Variants in TMEM40 observed in about 807,000 individuals in gnomAD.
TMEM40 encodes transmembrane protein 40.
Under a neutral mutation model 40.8 loss-of-function variants are expected in TMEM40, and 34 were observed. That is an observed-to-expected ratio of 0.83 (90% CI 0.63 to 1.11). The LOEUF is 1.11. TMEM40 is among the 50% of genes least tolerant of loss of function. The probability of loss-of-function intolerance (pLI) is 0.00; values close to 1 mark genes in which losing one functional copy is unlikely to be tolerated. For synonymous variants in TMEM40, 106 were observed against 107.0 expected (o/e 0.99, Z 0.06); for missense variants, 296 against 280.2 (o/e 1.06, Z -0.40).
upstream of TMEM40, among the ~76,000 whole-genome samples, chr3:12,762,956 G>T (rs1188730146): frequency 6.6e-6 from 1 of 152,020 alleles, no homozygotes; most frequent in Non-Finnish European, 1.5e-5. Context: ...TCAGGAGATG[G>T]AGACCATCCT....
intron 1 of TMEM40, among the ~76,000 whole-genome samples, chr3:12,753,336 C>G (rs1162049346): frequency 6.6e-6 from 1 of 151,140 alleles, no homozygotes; most frequent in Non-Finnish European, 1.5e-5. Flanking sequence ...CCCACCTCAA[C>G]CTCCCGAGTA....
chr3:12,755,406 G>GT (rs1199221361), intron 1 of TMEM40, among the ~76,000 whole-genome samples: 2 of 151,814 alleles, frequency 1.3e-5, no homozygotes, highest in African/African-American at 4.8e-5. Flanking sequence ...CTCCCAAAGT[G>GT]TTGGGACTGG....
At chr3:12,744,712 G>C (rs1156322251) in intron 3 of TMEM40, among the ~76,000 whole-genome samples, 3 of 152,186 alleles carry the variant, frequency 2.0e-5, no homozygotes, top group Non-Finnish European at 1.5e-5. Flanking sequence ...AAGAATTCAG[G>C]TCTAGGAGTT....
At chr3:12,735,931 G>A (rs890260653) in intron 10 of TMEM40, among the ~76,000 whole-genome samples, 1 of 152,138 alleles carries the variant, frequency 6.6e-6, no homozygotes, top group Non-Finnish European at 1.5e-5. Context: ...GTCTTGCTAT[G>A]TTGCCCAGGC....
chr3:12,763,020 C>T (rs1042347404), upstream of TMEM40, among the ~76,000 whole-genome samples: 12 of 151,700 alleles, frequency 7.9e-5, no homozygotes, highest in Non-Finnish European at 1.5e-4. Flanking sequence ...ATTAGCCGGG[C>T]GTGGTGGCGG....
chr3:12,760,307 C>A (rs542236524), upstream of TMEM40, among the ~76,000 whole-genome samples: 2 of 152,164 alleles, frequency 1.3e-5, no homozygotes, highest in African/African-American at 2.4e-5. Context: ...TGCCACACTC[C>A]CACTGCACTC....
chr3:12,737,843 C>A, intron 7 of TMEM40, 89 bp from the exon 8 acceptor site: 1 of 1,328,798 alleles, frequency 7.5e-7, no homozygotes, highest in Non-Finnish European at 1.1e-6. Flanking sequence ...GAATTAATAT[C>A]CTGGGTATAT....
chr3:12,743,777 C>T (rs1489370505), intron 4 of TMEM40, 123 bp downstream of exon 4: 17 of 883,788 alleles, frequency 1.9e-5, no homozygotes. Context: ...CTGCTGCTGT[C>T]AGGCTATTTC....
chr3:12,768,566 C>G (rs2061605012), intron 1 of TMEM40, among the ~76,000 whole-genome samples: 1 of 152,100 alleles, frequency 6.6e-6, no homozygotes. Flanking sequence ...ATACAGAGTG[C>G]CGACTGGTGC....
chr3:12,754,000 G>A (rs907539850), intron 1 of TMEM40, among the ~76,000 whole-genome samples: 5 of 152,126 alleles, frequency 3.3e-5, no homozygotes, highest in African/African-American at 9.7e-5. Flanking sequence ...GATTACTGTC[G>A]TATTTTACAG....
At chr3:12,751,520 C>T (rs1182549034) in intron 1 of TMEM40, among the ~76,000 whole-genome samples, 5 of 152,058 alleles carry the variant, frequency 3.3e-5, no homozygotes, top group East Asian at 1.9e-4. Flanking sequence ...CCTTGTGATC[C>T]GCCCGCCTTG....
At chr3:12,745,704 C>T (rs937511315) in intron 3 of TMEM40, among the ~76,000 whole-genome samples, 1 of 152,210 alleles carries the variant, frequency 6.6e-6, no homozygotes, top group African/African-American at 2.4e-5. Context: ...TCACCTTGGC[C>T]TCCCAAAGTG....
In TMEM40 at chr3:12,751,903, A is replaced by G. The variant is rs994447475; in HGVS notation, c.-8-2063T>C. 8.7e-4 allele frequency among the ~76,000 whole-genome samples: 133 copies of G among 152,306 alleles called. 1 individual carries two copies. Among genetic ancestry groups the G allele is most frequent in the Non-Finnish European group, 1.5e-4 (10 of 68,024 alleles). On this transcript the variant is annotated intron_variant, in intron 1 of 11. Transcript: ENST00000314124. The stretch of plus-strand genomic sequence containing the variant: ...GAGCTCTTTTTCCAGTCTCATCTCC[A>G]TCCTGCTCTGTGTCCTGGTCACACA...
At chr3:12,767,027 G>C (rs1482528199) in intron 1 of TMEM40, among the ~76,000 whole-genome samples, 1 of 152,054 alleles carries the variant, frequency 6.6e-6, no homozygotes, top group Non-Finnish European at 1.5e-5. Flanking sequence ...CTGGGGAAGG[G>C]CCAGTCTCCA....
intron 6 of TMEM40, 101 bp downstream of exon 6, chr3:12,738,452 C>T (rs1408710205): frequency 3.7e-6 from 5 of 1,360,310 alleles, no homozygotes; most frequent in Admixed American, 1.7e-5. Flanking sequence ...TTCTCAGAGC[C>T]AGGTATCCCA....
At chr3:12,744,571 C>T (rs2061412345) in intron 3 of TMEM40, among the ~76,000 whole-genome samples, 1 of 152,226 alleles carries the variant, frequency 6.6e-6, no homozygotes, top group African/African-American at 2.4e-5. Context: ...ATGTGCCTCT[C>T]TCCAACCATT....
intron 4 of TMEM40, 30 bp from the exon 5 acceptor site, chr3:12,742,537 C>A: frequency 6.2e-7 from 1 of 1,612,598 alleles, no homozygotes; most frequent in East Asian, 2.2e-5. Context: ...TTAGTCAGCA[C>A]TCCCCAAACA....
chr3:12,743,570 C>T (rs981532890), intron 4 of TMEM40, among the ~76,000 whole-genome samples: 1 of 152,074 alleles, frequency 6.6e-6, no homozygotes, highest in African/African-American at 2.4e-5. Flanking sequence ...CTTATAATTC[C>T]ACCATCCTGA....
chr3:12,735,219 A>T (rs1157933015), intron 11 of TMEM40, among the ~76,000 whole-genome samples: 1 of 152,254 alleles, frequency 6.6e-6, no homozygotes, highest in Non-Finnish European at 1.5e-5. Flanking sequence ...GCCATGGAGA[A>T]GACAGCGTTT....
Sources: allele counts gnomAD v4.1 joint callset (sites outside exome capture counted in the v4.1 genomes callset), GRCh38; gene constraint gnomAD v4.1.1; transcripts MANE v1.5; gene names NCBI Gene and HGNC (gene_info 2026-07-23, HGNC 2026-07-21).